ATR: variants seen among roughly 807,000 people sequenced by gnomAD.
ATR encodes the protein ATR checkpoint kinase, also known as serine/threonine-protein kinase ATR.
A neutral mutation model predicts 305.3 loss-of-function variants in ATR; 142 were observed. The observed-to-expected ratio is 0.47, with a 90% CI of 0.41 to 0.53. The LOEUF (loss-of-function observed/expected upper bound fraction) is 0.53, where lower values mean the gene tolerates loss of function less well. Among genes scored for constraint, ATR ranks in the 20% least tolerant of loss-of-function variants. ATR has a pLI of 0.00. For synonymous variants in ATR, 1,050 were observed against 1,068.1 expected (o/e 0.98, Z 0.33); for missense variants, 2,135 against 3,133.1 (o/e 0.68, Z 7.60).
chr3:142,541,102 G>T, intron 17 of ATR, 68 bp from the exon 18 acceptor site: 1 of 1,568,550 alleles, frequency 6.4e-7, no homozygotes, highest in South Asian at 1.1e-5. Flanking sequence ...TGAGCCCTAA[G>T]GACAAGTGCT....
At chr3:142,520,014 C>A (rs1339056636) in intron 23 of ATR, among the ~76,000 whole-genome samples, 4 of 152,104 alleles carry the variant, frequency 2.6e-5, no homozygotes, top group African/African-American at 4.8e-5. Context: ...ATTTTCCCAA[C>A]AACATATGCT....
intron 36 of ATR, among the ~76,000 whole-genome samples, chr3:142,480,787 C>T (rs1054298602): frequency 6.6e-6 from 1 of 152,192 alleles, no homozygotes; most frequent in Non-Finnish European, 1.5e-5. Context: ...TCAGCAATGG[C>T]GGGCACTCCT....
intron 36 of ATR, among the ~76,000 whole-genome samples, chr3:142,475,547 G>T (rs1316761400): frequency 6.6e-6 from 1 of 152,004 alleles, no homozygotes; most frequent in African/African-American, 2.4e-5. Flanking sequence ...GAATAGTGCC[G>T]CAATAAACAT....
chr3:142,509,240 C>T (rs930019180), intron 27 of ATR, among the ~76,000 whole-genome samples: 11 of 152,252 alleles, frequency 7.2e-5, no homozygotes, highest in Middle Eastern at 3.4e-3. Flanking sequence ...GATCATAGCT[C>T]ACTGCAGCCT....
At position 142,468,075 on chromosome 3, in the gene ATR, T is replaced by TA. The variant is rs775092700; in HGVS notation, c.6553-8dup. 4.3e-6 allele frequency: 7 copies of TA among 1,611,514 alleles called. No homozygotes were observed. In the South Asian group the frequency reaches 5.5e-5, roughly 13 times the overall value. Reference sequence around the variant, plus strand: ...CACGCATGGGATAAGATGACTGTCATAAAAAAGAGTTAAATGTCATAAAAA... The same window carrying TA: ...CACGCATGGGATAAGATGACTGTCATAAAAAAAGAGTTAAATGTCATAAAAA... On this transcript the variant is annotated splice_polypyrimidine_tract_variant and splice_region_variant and intron_variant, in intron 38 of 46. Transcript: ENST00000350721.
At chr3:142,467,878 A>G in intron 39 of ATR, 56 bp downstream of exon 39, 1 of 1,593,084 alleles carries the variant, frequency 6.3e-7, no homozygotes, top group South Asian at 1.1e-5. Flanking sequence ...AATCTGCTCA[A>G]ATTATATACA....
chr3:142,557,513 ATTTC>A (rs2034715467), intron 8 of ATR, among the ~76,000 whole-genome samples: 1 of 152,104 alleles, frequency 6.6e-6, no homozygotes, highest in Admixed American at 6.6e-5. Context: ...AAGCAAAACA[ATTTC>A]TTATATTATT....
At chr3:142,546,538 A>G (rs957841714) in intron 16 of ATR, among the ~76,000 whole-genome samples, 2 of 152,232 alleles carry the variant, frequency 1.3e-5, no homozygotes, top group African/African-American at 4.8e-5. Flanking sequence ...CATATTAAAG[A>G]AAAAGATCAA....
At chr3:142,509,252 C>T (rs1263796142) in intron 27 of ATR, among the ~76,000 whole-genome samples, 1 of 152,124 alleles carries the variant, frequency 6.6e-6, no homozygotes, top group East Asian at 1.9e-4. Flanking sequence ...CTGCAGCCTT[C>T]ACCTCCTGGA....
At chr3:142,514,807 C>CAAAAAAA (rs56770183) in intron 25 of ATR, among the ~76,000 whole-genome samples, 4 of 99,862 alleles carry the variant, frequency 4.0e-5, no homozygotes, top group Admixed American at 1.2e-4. Flanking sequence ...GACTCCGTCA[C>CAAAAAAA]AAAAAAAAAA....
At chr3:142,467,506 C>T (rs968853563) in intron 39 of ATR, among the ~76,000 whole-genome samples, 6 of 152,078 alleles carry the variant, frequency 3.9e-5, no homozygotes, top group Non-Finnish European at 7.4e-5. Flanking sequence ...AAAAGCAAAA[C>T]CCCAACCCTC....
intron 21 of ATR, among the ~76,000 whole-genome samples, chr3:142,532,813 T>C (rs1328226552): frequency 6.6e-6 from 1 of 152,154 alleles, no homozygotes; most frequent in Non-Finnish European, 1.5e-5. Context: ...TGTGGCTAAA[T>C]TTTAAATTCT....
chr3:142,562,901 A>G lies in ATR; in HGVS notation c.501T>C (p.His167=), dbSNP rs1198775592. 1.2e-6 allele frequency: 2 copies of G among 1,613,554 alleles called. No homozygotes were observed. The highest frequency in any genetic ancestry group is 2.7e-5 in the African/African-American group (2 of 74,916). The change falls in exon 4 of 47, where the codon CAT becomes CAC. Residue 167 remains histidine (H), a synonymous_variant. Transcript: ENST00000350721. ...TCATGACCACTGGCCATTCCACAGC[A>G]TGACCCATCACATTTCTTCTATGGA... ...VYLHRRNVMG[H]AVEWPVVMSR... is the part of the protein sequence containing the mutation.
At chr3:142,523,963 C>G (rs771771123) in intron 22 of ATR, 30 bp downstream of exon 22, 6 of 1,597,566 alleles carry the variant, frequency 3.8e-6, no homozygotes, top group Non-Finnish European at 5.1e-6. Context: ...ACAGAGAACT[C>G]TTTTGTCATT....
intron 3 of ATR, among the ~76,000 whole-genome samples, chr3:142,564,097 G>A (rs1009389478): frequency 6.6e-6 from 1 of 152,156 alleles, no homozygotes; most frequent in African/African-American, 2.4e-5. Flanking sequence ...TGATATAATC[G>A]TTAGCATTTT....
chr3:142,472,260 T>A (rs920317447), intron 36 of ATR: 4 of 152,286 alleles, frequency 2.6e-5, no homozygotes, highest in South Asian at 2.1e-4. Context: ...AACATATTGA[T>A]TTAATTTCCT....
chr3:142,463,352 G>A (rs1001658882), intron 41 of ATR, among the ~76,000 whole-genome samples: 2 of 152,272 alleles, frequency 1.3e-5, no homozygotes, highest in Non-Finnish European at 2.9e-5. Flanking sequence ...ACATACTAAT[G>A]GTTCAGTAGT....
chr3:142,572,816 A>C (rs2035319002), intron 1 of ATR, among the ~76,000 whole-genome samples: 1 of 152,062 alleles, frequency 6.6e-6, no homozygotes, highest in Non-Finnish European at 1.5e-5. Context: ...GTCCTGGTAC[A>C]TAGTAGACAT....
intron 2 of ATR, 107 bp downstream of exon 2, chr3:142,567,956 A>T: frequency 2.2e-6 from 2 of 917,016 alleles, no homozygotes; most frequent in Non-Finnish European, 3.3e-6. Flanking sequence ...TAACTATCAT[A>T]AATACTCCAT....
Sources: allele counts gnomAD v4.1 joint callset (sites outside exome capture counted in the v4.1 genomes callset), GRCh38; gene constraint gnomAD v4.1.1; transcripts MANE v1.5; gene names NCBI Gene and HGNC (gene_info 2026-07-23, HGNC 2026-07-21).